The following ADRA1B variants were observed in gnomAD, a reference collection of about 807,000 sequenced individuals.
ADRA1B encodes adrenoceptor alpha 1B, also known as alpha-1B adrenergic receptor.
Under a neutral mutation model 17.9 loss-of-function variants are expected in ADRA1B, and 17 were observed. The observed-to-expected ratio is 0.95, with a 90% confidence interval of 0.65 to 1.42. The LOEUF (loss-of-function observed/expected upper bound fraction) is 1.42, where lower values mean the gene tolerates loss of function less well. Among genes scored for constraint, ADRA1B ranks in the 40% most tolerant of loss-of-function variants. The pLI, the probability that ADRA1B is intolerant of heterozygous loss-of-function variation, is 0.00. For missense variants in ADRA1B, 681 were observed against 722.1 expected (o/e 0.94, Z 0.65); for synonymous variants, 366 against 327.6 (o/e 1.12, Z -1.27).
chr5:159,950,715 C>A, intron 1 of ADRA1B: 1 of 682,976 alleles, frequency 1.5e-6, no homozygotes, highest in Non-Finnish European at 2.7e-6. Context: ...ATGCTCACTT[C>A]ACCACCTTCT....
chr5:159,897,288 C>T (rs1489620467), intron 1 of ADRA1B, among the ~76,000 whole-genome samples: 1 of 152,058 alleles, frequency 6.6e-6, no homozygotes, highest in Non-Finnish European at 1.5e-5. Context: ...GAGTTCAAGA[C>T]CAGCCTGACC....
At chr5:159,942,530 T>C (rs1448488708) in intron 1 of ADRA1B, among the ~76,000 whole-genome samples, 1 of 152,120 alleles carries the variant, frequency 6.6e-6, no homozygotes, top group South Asian at 2.1e-4. Context: ...ATCTTTAAGA[T>C]AAATTGTTGG....
At chr5:159,983,393 G>A in the ADRA1B span, among the ~76,000 whole-genome samples, 1 of 152,190 alleles carries the variant, frequency 6.6e-6, no homozygotes, top group African/African-American at 2.4e-5. Flanking sequence ...CCTTCTGTTA[G>A]GATTCACCCC....
intron 1 of ADRA1B, among the ~76,000 whole-genome samples, chr5:159,927,190 G>T (rs928396337): frequency 1.3e-5 from 2 of 151,964 alleles, no homozygotes; most frequent in African/African-American, 4.8e-5. Flanking sequence ...TTGCCAATTG[G>T]CCCTTACATT....
chr5:159,931,257 G>A (rs762559974), intron 1 of ADRA1B, among the ~76,000 whole-genome samples: 1 of 151,328 alleles, frequency 6.6e-6, no homozygotes, highest in Non-Finnish European at 1.5e-5. Context: ...AGCCTCATGT[G>A]GTAGCACAGG....
At chr5:159,919,492 A>G (rs1373615026) in intron 1 of ADRA1B, among the ~76,000 whole-genome samples, 1 of 152,246 alleles carries the variant, frequency 6.6e-6, no homozygotes, top group Non-Finnish European at 1.5e-5. Context: ...AGGGCTGATT[A>G]ATATTTGCTC....
chr5:159,890,852 C>T (rs561079984), intron 1 of ADRA1B, among the ~76,000 whole-genome samples: 1 of 152,210 alleles, frequency 6.6e-6, no homozygotes, highest in Non-Finnish European at 1.5e-5. Context: ...GGTGATGTGT[C>T]AATTTCTTAT....
At chr5:159,914,356 C>A (rs1754257044), upstream of ADRA1B, among the ~76,000 whole-genome samples, 7 of 152,148 alleles carry the variant, frequency 4.6e-5, no homozygotes, top group Admixed American at 1.3e-4. Flanking sequence ...AACAGAGTTT[C>A]CTAACCAGCT....
intron 1 of ADRA1B, among the ~76,000 whole-genome samples, chr5:159,936,072 T>A (rs996867112): frequency 1.3e-5 from 2 of 152,240 alleles, no homozygotes. Flanking sequence ...AGACTCTTCA[T>A]GTAAATCAGT....
In ADRA1B at chr5:159,916,798, C is replaced by A; in HGVS notation, c.-108C>A. On this transcript the variant is annotated 5_prime_UTR_variant, in exon 1 of 2. It adds an upstream start codon to the 5' untranslated region. Coordinates refer to ENST00000306675, the MANE Select transcript of ADRA1B (RefSeq NM_000679.4). ...ATGACTCCTCGCCAGGAGGGCGCCT[C>A]TGGGAAGAAGACCACGGGGGAAGCA... is the stretch of plus-strand genomic sequence containing the variant. The A allele has an allele frequency of 8.7e-7, 1 of 1,156,018 alleles. No homozygotes were observed. Among genetic ancestry groups the A allele is most frequent in the Admixed American group, 2.7e-5 (1 of 36,808 alleles). 71.6% of individuals were successfully genotyped at this position (1,156,018 alleles called of 1,614,324 possible).
rs1417943725 is a variant in ADRA1B, at chr5:159,899,869, G to T, written c.-255-16250G>T. 2.0e-5 allele frequency among the ~76,000 whole-genome samples: 3 copies of T among 152,200 alleles called. No individual in the cohort carries two copies. The East Asian group carries it at 5.8e-4, about 29-fold the overall frequency. ...GTATCTGTTTTATAGCCTGTGAAATGACTGTTTTAGACCACAAGATTCCCA... is the reference window on the plus strand; with the variant it reads ...GTATCTGTTTTATAGCCTGTGAAATTACTGTTTTAGACCACAAGATTCCCA... On this transcript the variant is annotated intron_variant, in intron 1 of 2. Coordinates refer to the ADRA1B transcript ENST00000641205.
chr5:159,920,068 T>C (rs1343598055), intron 1 of ADRA1B, among the ~76,000 whole-genome samples: 2 of 152,164 alleles, frequency 1.3e-5, no homozygotes, highest in Non-Finnish European at 2.9e-5. Context: ...TAAACAATGG[T>C]AGCTGCCTGG....
chr5:159,935,762 G>A (rs1380008237), intron 1 of ADRA1B, among the ~76,000 whole-genome samples: 1 of 152,176 alleles, frequency 6.6e-6, no homozygotes, highest in African/African-American at 2.4e-5. Context: ...GGCCAGGCTG[G>A]TCTCCAACTC....
Position 159,916,957 on chromosome 5 carries a change from G to A in ADRA1B, c.52G>A (p.Gly18Arg). The A allele has an allele frequency of 6.2e-7, 1 of 1,614,092 alleles. No homozygotes were observed. Among genetic ancestry groups the A allele is most frequent in the Non-Finnish European group, 8.5e-7 (1 of 1,179,982 alleles). The change falls in exon 1 of 2, where the codon GGA becomes AGA. Residue 18 changes from glycine to arginine, a missense_variant. Gly to Arg is a moderately radical substitution (Grantham distance 125, BLOSUM62 -2). Transcript: ENST00000306675. Reference sequence around the variant, plus strand: ...CAACACATCAGCACCTGCCCACTGGGGAGAGTTGAAAAATGCCAACTTCAC... The same window carrying A: ...CAACACATCAGCACCTGCCCACTGGAGAGAGTTGAAAAATGCCAACTTCAC... Reference protein sequence around the residue: ...GHNTSAPAHWGELKNANFTGP... With the variant: ...GHNTSAPAHWRELKNANFTGP...
intron 1 of ADRA1B, chr5:159,868,338 T>C (rs972423822): frequency 1.3e-5 from 2 of 152,190 alleles, no homozygotes; most frequent in Non-Finnish European, 2.9e-5. Flanking sequence ...CAATTTCCTA[T>C]GGGGAAATAT....
intron 1 of ADRA1B, among the ~76,000 whole-genome samples, chr5:159,881,067 G>A (rs913115747): frequency 3.3e-5 from 5 of 152,050 alleles, no homozygotes; most frequent in Admixed American, 6.5e-5. Flanking sequence ...CCAGCTACTC[G>A]GGAGGCTGAG....
At chr5:159,917,990 G>C in intron 1 of ADRA1B, 136 bp downstream of exon 1, 1 of 845,422 alleles carries the variant, frequency 1.2e-6, no homozygotes. Context: ...AATATTGTTT[G>C]TTCTGCAAAG....
At chr5:159,976,086 A>G (rs1461500205), downstream of ADRA1B, among the ~76,000 whole-genome samples, 2 of 152,230 alleles carry the variant, frequency 1.3e-5, no homozygotes, top group Non-Finnish European at 2.9e-5. Context: ...ACTATAAAAT[A>G]GAGATAATAA....
chr5:159,936,464 G>A (rs1754958065), intron 1 of ADRA1B, among the ~76,000 whole-genome samples: 1 of 152,156 alleles, frequency 6.6e-6, no homozygotes, highest in African/African-American at 2.4e-5. Flanking sequence ...TGGACAGCAA[G>A]CACTGTTTTT....
Sources: allele counts gnomAD v4.1 joint callset (sites outside exome capture counted in the v4.1 genomes callset), GRCh38; gene constraint gnomAD v4.1.1; transcripts MANE v1.5; gene names NCBI Gene and HGNC (gene_info 2026-07-23, HGNC 2026-07-21).